The following MEIS2 variants were observed in gnomAD, a reference collection of about 807,000 sequenced individuals.
The protein encoded by MEIS2 is homeobox protein Meis2.
Under a neutral mutation model 58.6 loss-of-function variants are expected in MEIS2, and 9 were observed. That is an observed-to-expected ratio of 0.15 (90% CI 0.09 to 0.27). The LOEUF is 0.27. Among genes scored for constraint, MEIS2 ranks in the 10% least tolerant of loss-of-function variants. MEIS2 has a pLI of 1.00. For synonymous variants in MEIS2, 221 were observed against 228.4 expected (o/e 0.97, Z 0.29); for missense variants, 427 against 635.0 (o/e 0.67, Z 3.52).
intron 7 of MEIS2, among the ~76,000 whole-genome samples, chr15:37,038,682 C>A (rs544247169): frequency 1.3e-5 from 2 of 152,276 alleles, no homozygotes; most frequent in East Asian, 3.9e-4. Context: ...AAAAAAGGGA[C>A]CCCATATAGT....
At chr15:36,947,536 C>A (rs1243892329) in intron 9 of MEIS2, among the ~76,000 whole-genome samples, 1 of 151,890 alleles carries the variant, frequency 6.6e-6, no homozygotes, top group Non-Finnish European at 1.5e-5. Flanking sequence ...CCTTGTGTGG[C>A]CTTTCTATAT....
chr15:37,075,304 A>G (rs901134338), intron 7 of MEIS2, among the ~76,000 whole-genome samples: 1 of 152,122 alleles, frequency 6.6e-6, no homozygotes, highest in African/African-American at 2.4e-5. Flanking sequence ...TTTAAGTACT[A>G]TCTTAAAGTA....
At position 37,051,978 on chromosome 15, in the gene MEIS2, C is replaced by CAA. The variant is rs34511475; in HGVS notation, c.755-15021_755-15020dup. The stretch of plus-strand genomic sequence containing the variant: ...TGTTAACGAAGAACTATCCAAGTTG[C>CAA]AAAAAAAAAATACCGATAATAACTT... On this transcript the variant is annotated intron_variant, in intron 7 of 11. Coordinates refer to ENST00000561208, the MANE Select transcript of MEIS2 (RefSeq NM_170675.5). 1.6e-3 allele frequency among the ~76,000 whole-genome samples: 237 copies of CAA among 149,898 alleles called. 1 individual carries two copies. The highest frequency in any genetic ancestry group is 4.0e-3 in the South Asian group (19 of 4,776).
rs758819750 is a variant in MEIS2, at chr15:36,892,177, T to C, written c.1430A>G (p.Gln477Arg). ...VGGQVMDIHA[Q>R] ...TTTCCCTTGAGTTCCCTTATACTATTGGGCATGAATGTCCATAACCTGTCC... is the reference window on the plus strand; with the variant it reads ...TTTCCCTTGAGTTCCCTTATACTATCGGGCATGAATGTCCATAACCTGTCC... The change falls in exon 12 of 12, where the codon CAA becomes CGA. Residue 477 changes from glutamine (Q) to arginine (R), a missense_variant. By Grantham distance (43) the Gln-to-Arg change is conservative. This residue lies in a region of MEIS2 where 154 missense variants were observed against 148.1 expected (regional missense o/e 1.04). Transcript: ENST00000561208. The C allele has an allele frequency of 1.9e-6, 3 of 1,614,088 alleles. No individual in the cohort carries two copies. Among genetic ancestry groups the C allele is most frequent in the South Asian group, 1.1e-5 (1 of 91,088 alleles).
At chr15:37,088,615 G>A (rs1426414892) in intron 6 of MEIS2, among the ~76,000 whole-genome samples, 2 of 152,134 alleles carry the variant, frequency 1.3e-5, no homozygotes, top group African/African-American at 2.4e-5. Context: ...TGTGCTTTCA[G>A]AACCTGGACT....
chr15:36,959,480 C>A (rs771344947), intron 8 of MEIS2, among the ~76,000 whole-genome samples: 3 of 152,072 alleles, frequency 2.0e-5, no homozygotes, highest in Non-Finnish European at 4.4e-5. Context: ...CCAATAAATA[C>A]GTGTTGAACT....
At chr15:36,952,623 G>C (rs964845212) in intron 8 of MEIS2, among the ~76,000 whole-genome samples, 6 of 151,382 alleles carry the variant, frequency 4.0e-5, no homozygotes, top group South Asian at 2.1e-4. Flanking sequence ...GTGTGTGTGT[G>C]TGTGTGTGTG....
intron 8 of MEIS2, among the ~76,000 whole-genome samples, chr15:36,969,823 A>G (rs1190365332): frequency 6.6e-6 from 1 of 152,192 alleles, no homozygotes; most frequent in Non-Finnish European, 1.5e-5. Context: ...ATCTTTGAAG[A>G]TCTTCCCATA....
chr15:37,018,861 G>A (rs957232503), intron 8 of MEIS2, among the ~76,000 whole-genome samples: 2 of 152,130 alleles, frequency 1.3e-5, no homozygotes, highest in East Asian at 3.9e-4. Flanking sequence ...AAACAGGCCA[G>A]GGAATGGAGA....
intron 7 of MEIS2, among the ~76,000 whole-genome samples, chr15:37,079,905 G>A (rs562169882): frequency 5.3e-5 from 8 of 152,194 alleles, no homozygotes; most frequent in African/African-American, 1.2e-4. Context: ...GTTAACGTGC[G>A]TGTGGTGTGC....
chr15:36,890,326 G>C lies in MEIS2; in HGVS notation c.*1847C>G, dbSNP rs1336770847. Reference sequence around the variant, plus strand: ...GCAGTATCAATAAGCTAATGGTATAGATTTCCAGGAATGTTGCATAAAATT... The same window carrying C: ...GCAGTATCAATAAGCTAATGGTATACATTTCCAGGAATGTTGCATAAAATT... On this transcript the variant is annotated 3_prime_UTR_variant, in exon 12 of 12. Transcript: ENST00000561208. 1 of 152,156 alleles carries C rather than the reference G, an allele frequency of 6.6e-6. No homozygotes were observed. The highest frequency in any genetic ancestry group is 1.5e-5 in the Non-Finnish European group (1 of 68,016). 9.4% of individuals were successfully genotyped at this position (152,156 alleles called of 1,614,324 possible). A position where few individuals can be genotyped will look rare whatever the true frequency, so the allele number is the denominator to read the frequency against.
chr15:37,093,764 ATGTTGTTGT>A (rs747335436), intron 5 of MEIS2, 34 bp from the exon 6 acceptor site: 1 of 1,594,796 alleles, frequency 6.3e-7, no homozygotes, highest in Non-Finnish European at 8.6e-7. Flanking sequence ...GGTTTAGCTC[ATGTTGTTGT>A]TGTTGTTGTT....
intron 5 of MEIS2, among the ~76,000 whole-genome samples, chr15:37,094,225 C>T (rs1893911802): frequency 6.6e-6 from 1 of 152,140 alleles, no homozygotes. Context: ...GTGAGCTGAG[C>T]TAATAAAGAT....
intron 9 of MEIS2, among the ~76,000 whole-genome samples, chr15:36,916,559 G>A (rs1249782349): frequency 4.0e-5 from 6 of 151,558 alleles, no homozygotes; most frequent in Non-Finnish European, 8.8e-5. Context: ...AGCCTCCCAA[G>A]TACCTAGAAC....
intron 9 of MEIS2, among the ~76,000 whole-genome samples, chr15:36,911,400 TA>T (rs1486786680): frequency 6.6e-6 from 1 of 152,170 alleles, no homozygotes; most frequent in African/African-American, 2.4e-5. Flanking sequence ...TGTGGCCATC[TA>T]ACTTTAGCAT....
At chr15:37,085,423 G>C (rs1258020026) in intron 6 of MEIS2, among the ~76,000 whole-genome samples, 2 of 152,068 alleles carry the variant, frequency 1.3e-5, no homozygotes, top group Non-Finnish European at 2.9e-5. Flanking sequence ...AATAAAACAA[G>C]AAACCAAGGT....
At chr15:37,084,976 G>C (rs541548715) in intron 6 of MEIS2, among the ~76,000 whole-genome samples, 1 of 152,134 alleles carries the variant, frequency 6.6e-6, no homozygotes, top group South Asian at 2.1e-4. Flanking sequence ...AATGATTTGG[G>C]GGCCAGAGGA....
chr15:37,060,489 C>G (rs1236122409), intron 7 of MEIS2, among the ~76,000 whole-genome samples: 1 of 152,030 alleles, frequency 6.6e-6, no homozygotes. Context: ...AGGAAGTTAT[C>G]GTGTACCACC....
At chr15:36,991,771 CTTTTTTTTTTTCTTTTTT>C (rs1359260181) in intron 8 of MEIS2, among the ~76,000 whole-genome samples, 1 of 108,628 alleles carries the variant, frequency 9.2e-6, no homozygotes, top group Non-Finnish European at 1.8e-5. Context: ...TGTTAATTTT[CTTTTTTTTTTTCTTTTTT>C]TTTTTTTTTT....
Sources: allele counts gnomAD v4.1 joint callset (sites outside exome capture counted in the v4.1 genomes callset), GRCh38; gene constraint gnomAD v4.1.1; regional missense constraint gnomAD v4.1.1; transcripts MANE v1.5; gene names NCBI Gene and HGNC (gene_info 2026-07-23, HGNC 2026-07-21).